Variants in GUCY1A2 observed in about 807,000 individuals in gnomAD.
The protein encoded by GUCY1A2 is guanylate cyclase soluble subunit alpha-2.
A neutral mutation model predicts 63.5 loss-of-function variants in GUCY1A2; 27 were observed. That is an observed-to-expected ratio of 0.43 (90% CI 0.31 to 0.59). GUCY1A2 has a LOEUF of 0.59. GUCY1A2 is among the 20% of genes least tolerant of loss of function. The probability of loss-of-function intolerance (pLI) is 0.11; values close to 1 mark genes in which losing one functional copy is unlikely to be tolerated. For synonymous variants in GUCY1A2, 364 were observed against 343.5 expected, an observed-to-expected ratio of 1.06 and a Z score of -0.66; for missense variants, 768 against 913.3, an observed-to-expected ratio of 0.84 and a Z score of 2.05.
chr11:106,885,408 T>C (rs1193666898), intron 4 of GUCY1A2, among the ~76,000 whole-genome samples: 2 of 152,188 alleles, frequency 1.3e-5, no homozygotes, highest in African/African-American at 2.4e-5. Flanking sequence ...TGGGACGCTC[T>C]GACCATGGCC....
At chr11:106,910,814 C>T (rs1182252487) in intron 4 of GUCY1A2, among the ~76,000 whole-genome samples, 3 of 152,164 alleles carry the variant, frequency 2.0e-5, no homozygotes, top group East Asian at 3.9e-4. Flanking sequence ...AAGACTTCAA[C>T]TTTGCTTGTG....
chr11:106,843,724 T>C (rs1056462865), intron 4 of GUCY1A2, among the ~76,000 whole-genome samples: 3 of 151,950 alleles, frequency 2.0e-5, no homozygotes, highest in Non-Finnish European at 4.4e-5. Context: ...CCAAAGTTTC[T>C]AGCTAGTTGG....
intron 4 of GUCY1A2, among the ~76,000 whole-genome samples, chr11:106,856,868 A>G (rs562884309): frequency 2.3e-4 from 35 of 152,302 alleles, no homozygotes; most frequent in African/African-American, 8.4e-4. Flanking sequence ...TCTTTATAAG[A>G]AATGCAGACA....
chr11:106,713,496 C>CTTTTTTT (rs143909145), intron 6 of GUCY1A2, among the ~76,000 whole-genome samples: 8 of 78,394 alleles, frequency 1.0e-4, no homozygotes, highest in Non-Finnish European at 1.1e-4. Context: ...TAGTATGTTT[C>CTTTTTTT]TTTTTTTTTT....
chr11:106,814,284 A>G (rs972539737), intron 4 of GUCY1A2, among the ~76,000 whole-genome samples: 2 of 152,066 alleles, frequency 1.3e-5, no homozygotes, highest in African/African-American at 4.8e-5. Context: ...GATCCCTGCA[A>G]TGTAATTTAT....
intron 1 of GUCY1A2, 81 bp from the exon 2 acceptor site, chr11:106,986,212 T>G: frequency 1.4e-6 from 1 of 730,922 alleles, no homozygotes; most frequent in Admixed American, 2.1e-5. Flanking sequence ...GGCAGACAGG[T>G]GAAGCTTCTG....
intron 3 of GUCY1A2, among the ~76,000 whole-genome samples, chr11:106,973,964 A>G (rs557528837): frequency 6.6e-6 from 1 of 152,168 alleles, no homozygotes; most frequent in Non-Finnish European, 1.5e-5. Context: ...TATTATCTCC[A>G]TTTTGCAAAT....
At chr11:106,825,232 TA>T (rs1455589716) in intron 4 of GUCY1A2, among the ~76,000 whole-genome samples, 1 of 152,176 alleles carries the variant, frequency 6.6e-6, no homozygotes, top group African/African-American at 2.4e-5. Flanking sequence ...ATAATTGTCT[TA>T]AGTTTTTTAT....
chr11:107,002,991 A>G (rs188473178), intron 1 of GUCY1A2, among the ~76,000 whole-genome samples: 9 of 152,268 alleles, frequency 5.9e-5, no homozygotes, highest in Admixed American at 2.6e-4. Context: ...AATAGGTTAG[A>G]GAATGCCTCT....
At chr11:106,832,677 C>T (rs1341535371) in intron 4 of GUCY1A2, among the ~76,000 whole-genome samples, 2 of 152,188 alleles carry the variant, frequency 1.3e-5, no homozygotes, top group East Asian at 1.9e-4. Context: ...AGAATGTCTG[C>T]CCTGCCATGC....
At chr11:106,755,640 C>T (rs1267217940) in intron 6 of GUCY1A2, among the ~76,000 whole-genome samples, 2 of 152,128 alleles carry the variant, frequency 1.3e-5, no homozygotes, top group East Asian at 3.8e-4. Context: ...GTTCAGTTTC[C>T]ATGTAGTTGT....
intron 4 of GUCY1A2, among the ~76,000 whole-genome samples, chr11:106,925,775 A>C (rs1344203718): frequency 6.6e-6 from 1 of 152,234 alleles, no homozygotes; most frequent in African/African-American, 2.4e-5. Flanking sequence ...ATATGCTAAA[A>C]ATAGTGTCTT....
chr11:106,974,635 C>T (rs982443), intron 3 of GUCY1A2, among the ~76,000 whole-genome samples: 122,930 of 151,944 alleles, frequency 0.81, 50,121 homozygotes, highest in Non-Finnish European at 0.88. Context: ...AGGAATAAGC[C>T]CCAAAGGTCA....
chr11:106,913,588 A>C (rs570913655), intron 4 of GUCY1A2, among the ~76,000 whole-genome samples: 1 of 152,218 alleles, frequency 6.6e-6, no homozygotes, highest in African/African-American at 2.4e-5. Context: ...CTGGGGATTA[A>C]ATTTCAACAT....
intron 1 of GUCY1A2, among the ~76,000 whole-genome samples, chr11:107,003,922 G>C (rs1308907581): frequency 6.6e-6 from 1 of 152,160 alleles, no homozygotes; most frequent in Non-Finnish European, 1.5e-5. Flanking sequence ...GTTGGACTAT[G>C]ATGAAGACTC....
chr11:106,751,704 CA>C (rs1394404772), intron 6 of GUCY1A2, among the ~76,000 whole-genome samples: 1 of 151,874 alleles, frequency 6.6e-6, no homozygotes, highest in East Asian at 1.9e-4. Flanking sequence ...TTATATTCCC[CA>C]AATGCTACCA....
intron 4 of GUCY1A2, among the ~76,000 whole-genome samples, chr11:106,905,765 C>A (rs896811036): frequency 1.3e-5 from 2 of 152,090 alleles, no homozygotes; most frequent in African/African-American, 4.8e-5. Flanking sequence ...CCTAAAATAA[C>A]CCCATGAGAA....
intron 3 of GUCY1A2, among the ~76,000 whole-genome samples, chr11:106,968,676 G>T (rs1565346588): frequency 2.5e-5 from 1 of 39,358 alleles, no homozygotes; most frequent in Non-Finnish European, 5.2e-5. Context: ...GACCTACACT[G>T]GTTCTTCTAA....
chr11:107,004,994 G>C (rs1350130734), intron 1 of GUCY1A2, among the ~76,000 whole-genome samples: 5 of 152,148 alleles, frequency 3.3e-5, no homozygotes, highest in Non-Finnish European at 5.9e-5. Flanking sequence ...CCATGGTAAG[G>C]CATCACCCCT....
Sources: gnomAD v4.1 joint callset for allele counts (sites outside exome capture counted in the v4.1 genomes callset) on GRCh38, gnomAD v4.1.1 for gene constraint, MANE v1.5 for transcripts, NCBI Gene and HGNC (gene_info 2026-07-23, HGNC 2026-07-21) for gene names.